Variants in GUCA1C observed in about 807,000 individuals in gnomAD.
GUCA1C encodes the protein guanylyl cyclase-activating protein 3.
GUCA1C carries 15 observed loss-of-function variants against 16.2 expected under a neutral mutation model. That is an observed-to-expected ratio of 0.93 (90% CI 0.62 to 1.43). GUCA1C has a LOEUF of 1.43. Among genes scored for constraint, GUCA1C ranks in the 40% most tolerant of loss-of-function variants. The pLI is 0.00. For synonymous variants in GUCA1C, 78 were observed against 85.4 expected (o/e 0.91, Z 0.48); for missense variants, 275 against 244.8 (o/e 1.12, Z -0.82).
chr3:108,928,877 C>T (rs1426687808), intron 1 of GUCA1C, among the ~76,000 whole-genome samples: 1 of 152,086 alleles, frequency 6.6e-6, no homozygotes, highest in Non-Finnish European at 1.5e-5. Flanking sequence ...AGTTTCAGTC[C>T]CCCAAATTTG....
intron 1 of GUCA1C, among the ~76,000 whole-genome samples, chr3:108,926,316 C>A (rs997406678): frequency 6.6e-6 from 1 of 152,076 alleles, no homozygotes; most frequent in South Asian, 2.1e-4. Context: ...TTATGTGAGT[C>A]CTTATTTGTT....
At chr3:108,940,162 G>C (rs1310171008) in intron 1 of GUCA1C, among the ~76,000 whole-genome samples, 1 of 152,170 alleles carries the variant, frequency 6.6e-6, no homozygotes, top group African/African-American at 2.4e-5. Flanking sequence ...CTTCCTGAGA[G>C]CTTCCATGCT....
intron 1 of GUCA1C, among the ~76,000 whole-genome samples, chr3:108,925,226 G>A (rs1946612637): frequency 6.6e-6 from 1 of 151,308 alleles, no homozygotes; most frequent in Non-Finnish European, 1.5e-5. Context: ...GACCTTATTT[G>A]TGCTCTTTCA....
intron 1 of GUCA1C, among the ~76,000 whole-genome samples, chr3:108,942,758 G>T (rs1946800038): frequency 6.6e-6 from 1 of 152,174 alleles, no homozygotes; most frequent in Non-Finnish European, 1.5e-5. Context: ...TTTATTTTCT[G>T]AGGATGTGCC....
intron 3 of GUCA1C, among the ~76,000 whole-genome samples, chr3:108,912,342 G>A (rs1433199965): frequency 6.6e-6 from 1 of 151,750 alleles, no homozygotes; most frequent in Admixed American, 6.6e-5. Context: ...TATTCTTCTG[G>A]TGGTAAAGCC....
chr3:108,921,573 T>C (rs1468764833), intron 1 of GUCA1C, among the ~76,000 whole-genome samples: 1 of 152,214 alleles, frequency 6.6e-6, no homozygotes, highest in Middle Eastern at 3.2e-3. Context: ...TGAGAGCTCC[T>C]GTTGCACCAC....
intron 3 of GUCA1C, 48 bp from the exon 4 acceptor site, chr3:108,908,257 C>G (rs748873943): frequency 8.3e-7 from 1 of 1,211,868 alleles, no homozygotes; most frequent in South Asian, 1.3e-5. Flanking sequence ...ATACCACTCA[C>G]TGGCACAAAT....
intron 1 of GUCA1C, among the ~76,000 whole-genome samples, chr3:108,947,815 G>A (rs1326610768): frequency 6.6e-6 from 1 of 152,100 alleles, no homozygotes; most frequent in Non-Finnish European, 1.5e-5. Flanking sequence ...AATGTTTAAG[G>A]TATTTCATTT....
chr3:108,953,741 C>G lies in GUCA1C; in HGVS notation c.22G>C (p.Ala8Pro), dbSNP rs749595317. 6.2e-7 allele frequency: 1 copy of G among 1,612,952 alleles called. No homozygotes were observed. The highest frequency in any genetic ancestry group is 2.2e-5 in the East Asian group (1 of 44,856). The change falls in exon 1 of 4, where the codon GCT becomes CCT. Residue 8 changes from alanine (A) to proline (P), a missense_variant. By Grantham distance (27) the Ala-to-Pro change is conservative. Transcript: ENST00000261047. MGNGKSI[A>P]GDQKAVPTQE... is the part of the protein sequence containing the mutation. ...GTAGGAACTGCTTTCTGATCACCAGCTATAGATTTGCCATTCCCCATCTTG... is the reference window on the plus strand; with the variant it reads ...GTAGGAACTGCTTTCTGATCACCAGGTATAGATTTGCCATTCCCCATCTTG...
At chr3:108,916,635 T>C (rs572865053) in intron 2 of GUCA1C, among the ~76,000 whole-genome samples, 1 of 152,290 alleles carries the variant, frequency 6.6e-6, no homozygotes, top group Non-Finnish European at 1.5e-5. Context: ...TCAAGCTTCC[T>C]CTCCGGCTTC....
intron 3 of GUCA1C, among the ~76,000 whole-genome samples, chr3:108,912,877 C>G (rs1412536461): frequency 6.6e-6 from 1 of 152,234 alleles, no homozygotes; most frequent in Admixed American, 6.5e-5. Flanking sequence ...TAGGAAATAT[C>G]AAAGTAAACA....
chr3:108,908,853 T>G lies in GUCA1C; in HGVS notation c.443-644A>C, dbSNP rs533543943. 7.2e-5 allele frequency among the ~76,000 whole-genome samples: 11 copies of G among 152,344 alleles called. No homozygotes were observed. The South Asian group carries it at 2.3e-3, about 32-fold the overall frequency. On this transcript the variant is annotated intron_variant, in intron 3 of 3. Transcript: ENST00000261047. ...TTTCTACTACCTTCACCCCACAAGA[T>G]GACTTTCAAACATTTTTGGGGAGGG...
chr3:108,921,882 A>C (rs1946572083), intron 1 of GUCA1C, among the ~76,000 whole-genome samples: 1 of 152,092 alleles, frequency 6.6e-6, no homozygotes, highest in Non-Finnish European at 1.5e-5. Flanking sequence ...TGCACCCATC[A>C]CCTGAGCAGT....
upstream of GUCA1C, among the ~76,000 whole-genome samples, chr3:108,954,894 G>A (rs2399245): frequency 0.36 from 54,798 of 151,460 alleles, 10,663 homozygotes; most frequent in Non-Finnish European, 0.43. Context: ...CCGCCACCAC[G>A]CCCAGCTAAT....
intron 1 of GUCA1C, among the ~76,000 whole-genome samples, chr3:108,939,323 G>GTTTTT (rs1491279760): frequency 6.0e-5 from 2 of 33,226 alleles, no homozygotes; most frequent in African/African-American, 1.0e-4. Flanking sequence ...TTGCTTCAAG[G>GTTTTT]CTTTTTTTTT....
chr3:108,953,498 A>G, intron 1 of GUCA1C, 61 bp downstream of exon 1: 1 of 1,152,206 alleles, frequency 8.7e-7, no homozygotes, highest in Admixed American at 2.0e-5. Flanking sequence ...GAAAAAAAAA[A>G]AAAAGGGAAG....
intron 1 of GUCA1C, among the ~76,000 whole-genome samples, chr3:108,943,230 G>A (rs571251638): frequency 6.6e-6 from 1 of 152,148 alleles, no homozygotes; most frequent in Non-Finnish European, 1.5e-5. Context: ...CAGGTATCGA[G>A]GGGGAGTGGG....
At chr3:108,947,761 T>C (rs762829552) in intron 1 of GUCA1C, among the ~76,000 whole-genome samples, 13 of 152,350 alleles carry the variant, frequency 8.5e-5, no homozygotes, top group Admixed American at 1.3e-4. Flanking sequence ...GATGGGTCTA[T>C]GAGAGCTATT....
At chr3:108,930,005 T>C (rs750244905) in intron 1 of GUCA1C, among the ~76,000 whole-genome samples, 66 of 152,240 alleles carry the variant, frequency 4.3e-4, no homozygotes, top group Non-Finnish European at 5.7e-4. Context: ...TCCTGTTTTC[T>C]TATTGGTAAA....
Sources: gnomAD v4.1 joint callset for allele counts (sites outside exome capture counted in the v4.1 genomes callset) on GRCh38, gnomAD v4.1.1 for gene constraint, MANE v1.5 for transcripts, NCBI Gene and HGNC (gene_info 2026-07-23, HGNC 2026-07-21) for gene names.